GRXCR1: variants seen among roughly 807,000 people sequenced by gnomAD.
GRXCR1 encodes the protein glutaredoxin domain-containing cysteine-rich protein 1.
Under a neutral mutation model 27.3 loss-of-function variants are expected in GRXCR1, and 27 were observed. The observed-to-expected ratio is 0.99, with a 90% CI of 0.73 to 1.37. The LOEUF (loss-of-function observed/expected upper bound fraction) is 1.37, where lower values mean the gene tolerates loss of function less well. Among genes scored for constraint, GRXCR1 ranks in the 40% most tolerant of loss-of-function variants. The pLI, the probability that GRXCR1 is intolerant of heterozygous loss-of-function variation, is 0.00. For synonymous variants in GRXCR1, 122 were observed against 131.1 expected (o/e 0.93, Z 0.47); for missense variants, 379 against 354.4 (o/e 1.07, Z -0.56).
chr4:42,915,574 T>C (rs1746867082), intron 1 of GRXCR1, among the ~76,000 whole-genome samples: 2 of 152,146 alleles, frequency 1.3e-5, no homozygotes, highest in South Asian at 2.1e-4. Flanking sequence ...ATGTCTCAGA[T>C]CCTGTTACAA....
At chr4:43,001,746 C>G (rs1436303809) in intron 2 of GRXCR1, among the ~76,000 whole-genome samples, 1 of 152,124 alleles carries the variant, frequency 6.6e-6, no homozygotes, top group African/African-American at 2.4e-5. Flanking sequence ...AACAGTGGGT[C>G]CAGGGGACCG....
intron 2 of GRXCR1, among the ~76,000 whole-genome samples, chr4:43,010,701 T>G (rs1020860447): frequency 1.3e-5 from 2 of 152,020 alleles, no homozygotes; most frequent in African/African-American, 4.8e-5. Context: ...TTTTAAGAGA[T>G]CACGTAAAAA....
At chr4:42,966,770 A>G (rs973734991) in intron 2 of GRXCR1, among the ~76,000 whole-genome samples, 3 of 152,034 alleles carry the variant, frequency 2.0e-5, no homozygotes, top group Admixed American at 2.0e-4. Context: ...TGTTGCTTTA[A>G]TTTGCCTTTC....
At chr4:42,920,146 C>A (rs558129404) in intron 1 of GRXCR1, among the ~76,000 whole-genome samples, 1 of 152,168 alleles carries the variant, frequency 6.6e-6, no homozygotes, top group African/African-American at 2.4e-5. Flanking sequence ...TATTGAAGGA[C>A]AATAGACAAA....
intron 1 of GRXCR1, among the ~76,000 whole-genome samples, chr4:42,960,030 A>G (rs1748096504): frequency 6.6e-6 from 1 of 151,934 alleles, no homozygotes; most frequent in Non-Finnish European, 1.5e-5. Flanking sequence ...CAACGTGGCT[A>G]CCCGATAGGG....
At chr4:42,964,965 C>T (rs1037184508) in intron 2 of GRXCR1, among the ~76,000 whole-genome samples, 3 of 151,878 alleles carry the variant, frequency 2.0e-5, no homozygotes, top group South Asian at 2.1e-4. Flanking sequence ...AAGACATTTC[C>T]CATTGTGGAA....
At position 42,938,030 on chromosome 4, in the gene GRXCR1, A is replaced by G. The variant is rs145642527; in HGVS notation, c.385-24862A>G. ...AATTAGATCTGATTCGTTGCATCTA[A>G]CTATATTTTTGTACTCACTGACCAT... On this transcript the variant is annotated intron_variant, in intron 1 of 3. Coordinates refer to ENST00000399770, the MANE Select transcript of GRXCR1 (RefSeq NM_001080476.3). Among the ~76,000 whole-genome samples, 4 of 152,002 alleles carry G rather than the reference A, an allele frequency of 2.6e-5. No individual in the cohort carries two copies. In the East Asian group the frequency reaches 7.8e-4, roughly 30 times the overall value.
chr4:42,998,362 A>G (rs942305926), intron 2 of GRXCR1, among the ~76,000 whole-genome samples: 10 of 152,230 alleles, frequency 6.6e-5, no homozygotes, highest in African/African-American at 2.4e-4. Flanking sequence ...CTATAAATGG[A>G]GAGTGCCACA....
chr4:42,977,787 T>C (rs1321628550), intron 2 of GRXCR1, among the ~76,000 whole-genome samples: 5 of 152,082 alleles, frequency 3.3e-5, no homozygotes, highest in African/African-American at 9.7e-5. Context: ...TTTTTTGTCT[T>C]GTGCAGATGT....
At chr4:42,984,849 G>A (rs1041874518) in intron 2 of GRXCR1, among the ~76,000 whole-genome samples, 4 of 152,148 alleles carry the variant, frequency 2.6e-5, no homozygotes, top group Admixed American at 2.6e-4. Context: ...TAGGCCAAAC[G>A]CTTGGGACTG....
At chr4:43,019,083 T>C (rs1713020452) in intron 2 of GRXCR1, among the ~76,000 whole-genome samples, 1 of 152,180 alleles carries the variant, frequency 6.6e-6, no homozygotes, top group Non-Finnish European at 1.5e-5. Flanking sequence ...TCCTATACTA[T>C]AGGACTGTTT....
chr4:42,940,877 A>G (rs1428575532), intron 1 of GRXCR1, among the ~76,000 whole-genome samples: 3 of 152,076 alleles, frequency 2.0e-5, no homozygotes, highest in East Asian at 3.9e-4. Context: ...GTGGAATAGA[A>G]CATTAAATAA....
At chr4:42,978,301 C>T (rs543676193) in intron 2 of GRXCR1, among the ~76,000 whole-genome samples, 2 of 152,068 alleles carry the variant, frequency 1.3e-5, no homozygotes, top group South Asian at 2.1e-4. Context: ...GGTACTTTGT[C>T]ATTCCATATG....
intron 1 of GRXCR1, among the ~76,000 whole-genome samples, chr4:42,945,037 T>G (rs1376573359): frequency 6.6e-6 from 1 of 152,096 alleles, no homozygotes; most frequent in Non-Finnish European, 1.5e-5. Context: ...TTAGGTCACC[T>G]TCACTCTTCC....
At chr4:43,010,483 A>G (rs1001974748) in intron 2 of GRXCR1, among the ~76,000 whole-genome samples, 1 of 152,016 alleles carries the variant, frequency 6.6e-6, no homozygotes, top group African/African-American at 2.4e-5. Context: ...GCTTTATCAC[A>G]TGGCTATACC....
chr4:42,903,150 G>GTGAGAGCTTATGAGAA (rs1577898607), intron 1 of GRXCR1, among the ~76,000 whole-genome samples: 1 of 149,594 alleles, frequency 6.7e-6, no homozygotes, highest in African/African-American at 2.4e-5. Context: ...TAAACAGCTG[G>GTGAGAGCTTATGAGAA]CTTTATAGTA....
chr4:43,001,982 C>T (rs1288371001), intron 2 of GRXCR1, among the ~76,000 whole-genome samples: 2 of 89,010 alleles, frequency 2.2e-5, no homozygotes, highest in African/African-American at 4.2e-5. Flanking sequence ...TGTTTCTCTC[C>T]ACCCAAACAT....
intron 1 of GRXCR1, among the ~76,000 whole-genome samples, chr4:42,948,463 G>C (rs1674570198): frequency 6.6e-6 from 1 of 152,144 alleles, no homozygotes; most frequent in Admixed American, 6.5e-5. Flanking sequence ...TACCTTATTA[G>C]AATTACCATC....
intron 2 of GRXCR1, among the ~76,000 whole-genome samples, chr4:42,967,370 T>A (rs767607189): frequency 6.6e-6 from 1 of 152,144 alleles, no homozygotes; most frequent in African/African-American, 2.4e-5. Context: ...TATGGATCTA[T>A]TTCTGGGTTC....
Sources: gnomAD v4.1 joint callset for allele counts (sites outside exome capture counted in the v4.1 genomes callset) on GRCh38, gnomAD v4.1.1 for gene constraint, MANE v1.5 for transcripts, NCBI Gene and HGNC (gene_info 2026-07-23, HGNC 2026-07-21) for gene names.